MORC3: variants seen among roughly 807,000 people sequenced by gnomAD.
MORC3 encodes MORC family CW-type zinc finger protein 3.
In MORC3, 31 loss-of-function variants were observed where a neutral mutation model predicts 109.1. The observed-to-expected ratio is 0.28, with a 90% CI of 0.21 to 0.38. The LOEUF (loss-of-function observed/expected upper bound fraction) is 0.38, where lower values mean the gene tolerates loss of function less well. Ranked by LOEUF, MORC3 falls within the 10% of genes least tolerant of loss-of-function variation. The pLI, the probability that MORC3 is intolerant of heterozygous loss-of-function variation, is 1.00. For synonymous variants in MORC3, 395 were observed against 380.7 expected (o/e 1.04, Z -0.44); for missense variants, 867 against 1,135.8 (o/e 0.76, Z 3.40).
chr21:36,348,375 G>A (rs2085535036), intron 8 of MORC3: 1 of 152,164 alleles, frequency 6.6e-6, no homozygotes, highest in Non-Finnish European at 1.5e-5. Context: ...CTAAGAAATT[G>A]TATCCTAGTA....
At chr21:36,332,602 T>C (rs1171025242) in intron 1 of MORC3, among the ~76,000 whole-genome samples, 1 of 152,192 alleles carries the variant, frequency 6.6e-6, no homozygotes, top group Non-Finnish European at 1.5e-5. Flanking sequence ...GACCTGTGAT[T>C]GACCGAAGAT....
chr21:36,346,763 T>G (rs1244079470), intron 8 of MORC3, among the ~76,000 whole-genome samples: 1 of 152,108 alleles, frequency 6.6e-6, no homozygotes, highest in Non-Finnish European at 1.5e-5. Flanking sequence ...GAGCCAAAAT[T>G]GTGCCTCTGC....
chr21:36,339,098 T>C, intron 5 of MORC3, 177 bp downstream of exon 5: 1 of 660,600 alleles, frequency 1.5e-6, no homozygotes, highest in Non-Finnish European at 2.3e-6. Flanking sequence ...TCAGCTTCAA[T>C]TTGAGATATT....
chr21:36,366,557 C>T (rs2085783919), intron 14 of MORC3, among the ~76,000 whole-genome samples: 1 of 151,956 alleles, frequency 6.6e-6, no homozygotes, highest in Middle Eastern at 3.2e-3. Context: ...CTGGTTCAAA[C>T]AACTCCCCTG....
Position 36,369,798 on chromosome 21 carries a change from T to G in MORC3, c.2430T>G (p.Asp810Glu). The change falls in exon 15 of 17, where the codon GAT becomes GAG. Residue 810 changes from aspartate to glutamate, a missense_variant. Asp to Glu is a conservative substitution (Grantham distance 45). Transcript: ENST00000400485. ...CSNNESKSEM[D>E]EMAVQLDDVF... ...ATAATGAGAGTAAAAGTGAAATGGA[T>G]GAGATGGCTGTGCAGCTTGACGATG... 6.2e-7 allele frequency: 1 copy of G among 1,613,958 alleles called. No homozygotes were observed. Among genetic ancestry groups the G allele is most frequent in the Middle Eastern group, 1.6e-4 (1 of 6,062 alleles).
rs1601541611 is a variant in MORC3 at position 36,369,154 on chromosome 21, A to G, written c.1786A>G (p.Met596Val). Reference protein sequence around the residue: ...PKPAVDHDIDMKSEQSHVEQG... With the variant: ...PKPAVDHDIDVKSEQSHVEQG... ...ACCTGCAGTAGATCATGATATTGAC[A>G]TGAAATCAGAACAGAGTCACGTTGA... The change falls in exon 15 of 17, where the codon ATG becomes GTG. Residue 596 changes from methionine to valine, a missense_variant. By Grantham distance (21) the Met-to-Val change is conservative. Transcript: ENST00000400485. 1 of 1,614,192 alleles carries G rather than the reference A, an allele frequency of 6.2e-7. No individual in the cohort carries two copies. The highest frequency in any genetic ancestry group is 8.5e-7 in the Non-Finnish European group (1 of 1,180,032).
chr21:36,343,612 C>A (rs2085476038), intron 6 of MORC3, among the ~76,000 whole-genome samples: 1 of 151,634 alleles, frequency 6.6e-6, no homozygotes, highest in African/African-American at 2.4e-5. Context: ...CCCTGCCTGG[C>A]TAATTTTTGT....
intron 5 of MORC3, 119 bp from the exon 6 acceptor site, chr21:36,341,280 C>T (rs2085442459): frequency 1.1e-6 from 1 of 917,212 alleles, no homozygotes; most frequent in Admixed American, 3.2e-5. Context: ...CAACCCCCCA[C>T]TGACGTGCAC....
chr21:36,370,654 T>A (rs1339013889), intron 15 of MORC3, among the ~76,000 whole-genome samples: 9 of 115,336 alleles, frequency 7.8e-5, no homozygotes, highest in East Asian at 2.3e-4. Context: ...TTTTTTTTTT[T>A]TTTTTTTTTT....
rs1380428594 is a variant in MORC3, at chr21:36,332,465, G to A, written c.40-1181G>A. Among the ~76,000 whole-genome samples, 4 of 152,060 alleles carry A rather than the reference G, an allele frequency of 2.6e-5. No homozygotes were observed. The East Asian group carries it at 5.8e-4, about 22-fold the overall frequency. On this transcript the variant is annotated intron_variant, in intron 1 of 16. Transcript: ENST00000400485. Reference sequence around the variant, plus strand: ...AAAAAATAGGACAGGCTTCAGAACCGGAACAGGTTCTAAGCACTCTGGCCT... The same window carrying A: ...AAAAAATAGGACAGGCTTCAGAACCAGAACAGGTTCTAAGCACTCTGGCCT...
In MORC3 at chr21:36,320,240, T is replaced by C. The variant is rs1222993031; in HGVS notation, c.-25T>C. Reference sequence around the variant, plus strand: ...CCCAGTCGGGTTGCGGCGGAGGCCGTTCCTGGCTTTGTAGCTCGCTCAAGA... The same window carrying C: ...CCCAGTCGGGTTGCGGCGGAGGCCGCTCCTGGCTTTGTAGCTCGCTCAAGA... On this transcript the variant is annotated 5_prime_UTR_variant, in exon 1 of 17. Transcript: ENST00000400485. 8.9e-6 allele frequency: 14 copies of C among 1,569,728 alleles called. No individual in the cohort carries two copies. The highest frequency in any genetic ancestry group is 1.2e-5 in the Non-Finnish European group (14 of 1,158,742).
chr21:36,365,936 C>T (rs1365829501), intron 14 of MORC3, among the ~76,000 whole-genome samples: 1 of 152,074 alleles, frequency 6.6e-6, no homozygotes, highest in African/African-American at 2.4e-5. Context: ...TGGATTGCTA[C>T]TTTATTAAGA....
chr21:36,362,503 A>G (rs1453314668), intron 13 of MORC3, among the ~76,000 whole-genome samples: 9 of 151,966 alleles, frequency 5.9e-5, no homozygotes, highest in Admixed American at 3.3e-4. Context: ...GATTGGTACC[A>G]TTGCACTGCG....
chr21:36,372,332 T>A, intron 15 of MORC3, 42 bp from the exon 16 acceptor site: 1 of 1,466,982 alleles, frequency 6.8e-7, no homozygotes, highest in Non-Finnish European at 9.0e-7. Flanking sequence ...CATTAGTATT[T>A]TTAAGTTTTA....
At chr21:36,324,325 T>C (rs1195886202) in intron 1 of MORC3, among the ~76,000 whole-genome samples, 1 of 151,816 alleles carries the variant, frequency 6.6e-6, no homozygotes, top group Non-Finnish European at 1.5e-5. Flanking sequence ...TCGTCCAGGC[T>C]GGAGTGCAGT....
intron 15 of MORC3, among the ~76,000 whole-genome samples, chr21:36,370,415 C>A (rs1424403438): frequency 1.3e-5 from 2 of 151,676 alleles, no homozygotes; most frequent in African/African-American, 2.4e-5. Context: ...TGGTAAATGT[C>A]CTGTTCAGAA....
chr21:36,334,741 G>T (rs1379052235), intron 2 of MORC3, among the ~76,000 whole-genome samples: 1 of 152,188 alleles, frequency 6.6e-6, no homozygotes, highest in Non-Finnish European at 1.5e-5. Flanking sequence ...TTAAGGTTTA[G>T]GATTGTATTT....
At chr21:36,333,378 T>G in intron 1 of MORC3, 1 of 430,526 alleles carries the variant, frequency 2.3e-6, no homozygotes, top group Non-Finnish European at 4.1e-6. Context: ...TATGTCCCTA[T>G]TTGGGATTGG....
At chr21:36,349,461 A>G (rs2085547403) in intron 9 of MORC3, 53 bp downstream of exon 9, 1 of 1,202,762 alleles carries the variant, frequency 8.3e-7, no homozygotes, top group South Asian at 1.4e-5. Flanking sequence ...TGTATTACCA[A>G]GAAAGCAGGA....
Sources: allele counts gnomAD v4.1 joint callset (sites outside exome capture counted in the v4.1 genomes callset), GRCh38; gene constraint gnomAD v4.1.1; transcripts MANE v1.5; gene names NCBI Gene and HGNC (gene_info 2026-07-23, HGNC 2026-07-21).